PHF3: variants seen among roughly 807,000 people sequenced by gnomAD.
PHF3 encodes the protein PHD finger protein 3.
PHF3 carries 41 observed loss-of-function variants against 178.4 expected under a neutral mutation model. The observed-to-expected ratio is 0.23, with a 90% CI of 0.18 to 0.30. PHF3 has a LOEUF of 0.30. Ranked by LOEUF, PHF3 falls within the 10% of genes least tolerant of loss-of-function variation. The pLI is 1.00. For missense variants in PHF3, 2,346 were observed against 2,398.1 expected (o/e 0.98, Z 0.45); for synonymous variants, 842 against 800.5 (o/e 1.05, Z -0.88).
chr6:63,666,497 C>T (rs371227439), intron 2 of PHF3, among the ~76,000 whole-genome samples: 2 of 151,408 alleles, frequency 1.3e-5, no homozygotes, highest in East Asian at 1.9e-4. Flanking sequence ...AGTCATTCCG[C>T]GGTATCCATA....
chr6:63,709,128 C>CT (rs77193327), intron 13 of PHF3, 23 bp from the exon 14 acceptor site: 26,210 of 1,094,664 alleles, frequency 0.024, no homozygotes, highest in Non-Finnish European at 0.027. Flanking sequence ...ATATTGATCT[C>CT]TTTTTTTTTT....
chr6:63,675,884 T>C (rs778348528), intron 2 of PHF3, among the ~76,000 whole-genome samples: 1 of 152,220 alleles, frequency 6.6e-6, no homozygotes, highest in Non-Finnish European at 1.5e-5. Flanking sequence ...TTCATTTACT[T>C]ACTTCTTAAC....
chr6:63,712,687 AGTT>A lies in PHF3; in HGVS notation c.5102_5104del (p.Leu1701del). The A allele has an allele frequency of 1.9e-6, 3 of 1,613,986 alleles. No individual in the cohort carries two copies. The highest frequency in any genetic ancestry group is 2.5e-6 in the Non-Finnish European group (3 of 1,179,958). ...ACAGAACAAATCAATGTAGAGGAAA[AGTT>A]GTGTTCTGCAGAGAAAAACTCGTGT... On this transcript the variant is annotated inframe_deletion, in exon 16 of 16. Coordinates refer to ENST00000262043, the MANE Select transcript of PHF3 (RefSeq NM_001370348.2).
chr6:63,671,448 T>C (rs953192124), intron 2 of PHF3, among the ~76,000 whole-genome samples: 2 of 152,084 alleles, frequency 1.3e-5, no homozygotes, highest in East Asian at 3.9e-4. Flanking sequence ...AATTGTAAGG[T>C]GATAGAAAAT....
chr6:63,713,141 C>T lies in PHF3; in HGVS notation c.5553C>T (p.Pro1851=), dbSNP rs776159927. ...PPPGFGFAQN[P]MVPWPPVVHL... is the part of the protein sequence containing the mutation. ...CAGGCTTTGGCTTTGCTCAAAATCC[C>T]ATGGTTCCCTGGCCACCTGTTGTTC... Residue 1851 remains proline, a synonymous_variant, in exon 16 of 16, where the codon CCC becomes CCT. Transcript: ENST00000262043. 2 of 1,613,914 alleles carry T rather than the reference C, an allele frequency of 1.2e-6. No individual in the cohort carries two copies. Among genetic ancestry groups the T allele is most frequent in the Admixed American group, 1.7e-5 (1 of 59,972 alleles).
rs1353968771 is a variant in PHF3, at chr6:63,721,691, T to TC, written c.*7985dup. On this transcript the variant is annotated 3_prime_UTR_variant, in exon 16 of 16. Coordinates refer to ENST00000262043, the MANE Select transcript of PHF3 (RefSeq NM_001370348.2). ...CTGCTTTTATTATATGCCAAGTACTTCCGTTTATAGTTACTTTTTGGAGAG... is the reference window on the plus strand; with the variant it reads ...CTGCTTTTATTATATGCCAAGTACTTCCCGTTTATAGTTACTTTTTGGAGAG... 1 of 1,551,426 alleles carries TC rather than the reference T, an allele frequency of 6.4e-7. No homozygotes were observed. Among genetic ancestry groups the TC allele is most frequent in the Admixed American group, 2.0e-5 (1 of 50,976 alleles).
At chr6:63,639,575 T>C (rs1426602817) in intron 1 of PHF3, among the ~76,000 whole-genome samples, 1 of 152,120 alleles carries the variant, frequency 6.6e-6, no homozygotes, top group Non-Finnish European at 1.5e-5. Flanking sequence ...ATGTGTAGAG[T>C]GCATTATAGA....
At position 63,713,759 on chromosome 6, in the gene PHF3, A is replaced by G. The variant is rs1768081804; in HGVS notation, c.*51A>G. ...ATTTAAATAACTGTTAAAATGTTGT[A>G]TCTTGTAAACAAAAGAAAGATTGCC... On this transcript the variant is annotated 3_prime_UTR_variant, in exon 16 of 16. Coordinates refer to ENST00000262043, the MANE Select transcript of PHF3 (RefSeq NM_001370348.2). 1 of 1,397,976 alleles carries G rather than the reference A, an allele frequency of 7.2e-7. No homozygotes were observed. The highest frequency in any genetic ancestry group is 2.6e-5 in the Admixed American group (1 of 38,326). The allele number at this position is 1,397,976 out of a possible 1,614,324, so 86.6% of individuals were successfully genotyped here. A position where few individuals can be genotyped will look rare whatever the true frequency, so the allele number is the denominator to read the frequency against.
At chr6:63,665,486 G>GTTT (rs11427203) in intron 2 of PHF3, among the ~76,000 whole-genome samples, 2,743 of 111,156 alleles carry the variant, frequency 0.025, 167 homozygotes, top group African/African-American at 0.034. Flanking sequence ...GTTTTTTTTT[G>GTTT]TTTTTTTTTT....
At chr6:63,666,952 G>A (rs1419037780) in intron 2 of PHF3, among the ~76,000 whole-genome samples, 4 of 151,956 alleles carry the variant, frequency 2.6e-5, no homozygotes, top group Admixed American at 6.6e-5. Context: ...GCATTTCACC[G>A]TGTTTGCCAG....
chr6:63,659,111 G>A (rs1765359956), intron 2 of PHF3, among the ~76,000 whole-genome samples: 1 of 152,112 alleles, frequency 6.6e-6, no homozygotes, highest in Non-Finnish European at 1.5e-5. Context: ...GGGGAATCAT[G>A]GCCTAGCCAA....
intron 12 of PHF3, among the ~76,000 whole-genome samples, chr6:63,706,494 G>A (rs933847167): frequency 1.3e-5 from 2 of 152,132 alleles, no homozygotes; most frequent in South Asian, 4.1e-4. Context: ...TATTAAAGAC[G>A]AAATGTTTGC....
chr6:63,656,385 A>G (rs757921249), intron 2 of PHF3, among the ~76,000 whole-genome samples: 7 of 152,046 alleles, frequency 4.6e-5, no homozygotes, highest in Non-Finnish European at 1.0e-4. Context: ...AATTTATTCC[A>G]TTGTATTACT....
Position 63,680,069 on chromosome 6 carries a change from A to C in PHF3, c.314A>C (p.Glu105Ala), listed in dbSNP as rs764295347. The C allele has an allele frequency of 6.2e-7, 1 of 1,613,036 alleles. No homozygotes were observed. Among genetic ancestry groups the C allele is most frequent in the East Asian group, 2.2e-5 (1 of 44,810 alleles). ...AGTGGCAATGATACCATTGATGAAGAAGAACTGATTTTACCTAACAGGAAC... is the reference window on the plus strand; with the variant it reads ...AGTGGCAATGATACCATTGATGAAGCAGAACTGATTTTACCTAACAGGAAC... ...KESGNDTIDE[E>A]ELILPNRNLR... is the part of the protein sequence containing the mutation. The change falls in exon 3 of 16, where the codon GAA becomes GCA. Residue 105 changes from glutamate to alanine, a missense_variant. Around this residue, in one of 8 missense-constraint regions of PHF3, gnomAD observed 843 missense variants for 795.2 expected, o/e 1.06. Transcript: ENST00000262043.
intron 8 of PHF3, among the ~76,000 whole-genome samples, chr6:63,699,211 C>G (rs1317105688): frequency 1.3e-5 from 2 of 152,184 alleles, no homozygotes; most frequent in African/African-American, 4.8e-5. Context: ...AGTGTTAGCT[C>G]TCAACACCAA....
rs181614148 is a variant in PHF3 at position 63,724,411 on chromosome 6, A to G, written c.*10703A>G. Among the ~76,000 whole-genome samples the G allele has an allele frequency of 1.3e-5, 2 of 150,796 alleles. No individual in the cohort carries two copies. Among genetic ancestry groups the G allele is most frequent in the Non-Finnish European group, 2.9e-5 (2 of 68,002 alleles). ...GAAAAGGAAAGCAATGGTAATTTAAACTTATTTATATATTTTTAATATAGT... is the reference window on the plus strand; with the variant it reads ...GAAAAGGAAAGCAATGGTAATTTAAGCTTATTTATATATTTTTAATATAGT... On this transcript the variant is annotated 3_prime_UTR_variant, in exon 16 of 16. Coordinates refer to ENST00000262043, the MANE Select transcript of PHF3 (RefSeq NM_001370348.2).
intron 1 of PHF3, among the ~76,000 whole-genome samples, chr6:63,644,965 C>G (rs1407127432): frequency 2.0e-5 from 3 of 151,674 alleles, no homozygotes; most frequent in Non-Finnish European, 4.4e-5. Flanking sequence ...GCTGCAACCT[C>G]CACTTCCCGG....
intron 2 of PHF3, among the ~76,000 whole-genome samples, chr6:63,669,451 T>C (rs1765815749): frequency 6.6e-6 from 1 of 152,222 alleles, no homozygotes; most frequent in South Asian, 2.1e-4. Context: ...CTTTTTATAA[T>C]ACCGTCTTAG....
At chr6:63,645,308 T>C (rs1764738362) in intron 1 of PHF3, among the ~76,000 whole-genome samples, 1 of 152,182 alleles carries the variant, frequency 6.6e-6, no homozygotes, top group Non-Finnish European at 1.5e-5. Context: ...TGGCTCTGTT[T>C]TGTGACTTTG....
Sources: allele counts gnomAD v4.1 joint callset (sites outside exome capture counted in the v4.1 genomes callset), GRCh38; gene constraint gnomAD v4.1.1; regional missense constraint gnomAD v4.1.1; transcripts MANE v1.5; gene names NCBI Gene and HGNC (gene_info 2026-07-23, HGNC 2026-07-21).